The following GALNTL6 variants were observed in gnomAD, a reference collection of about 807,000 sequenced individuals.
GALNTL6 encodes the protein polypeptide N-acetylgalactosaminyltransferase-like 6.
GALNTL6 carries 46 observed loss-of-function variants against 73.7 expected under a neutral mutation model. The ratio of observed to expected loss-of-function variants is 0.62; its 90% CI spans 0.49 to 0.80. The LOEUF is 0.80. GALNTL6 is among the 30% of genes least tolerant of loss of function. GALNTL6 has a pLI of 0.00. For missense variants in GALNTL6, 604 were observed against 755.0 expected (o/e 0.80, Z 2.34); for synonymous variants, 259 against 263.7 (o/e 0.98, Z 0.17).
At chr4:172,206,805 G>GTTTGTTGTTTTTTTTTTTTT (rs1554003003) in intron 2 of GALNTL6, among the ~76,000 whole-genome samples, 3 of 26,130 alleles carry the variant, frequency 1.1e-4, no homozygotes, top group Admixed American at 6.7e-4. Flanking sequence ...TTGTTTTTCT[G>GTTTGTTGTTTTTTTTTTTTT]TTTTTTTTGT....
At chr4:172,376,089 C>G (rs1010303737) in intron 5 of GALNTL6, among the ~76,000 whole-genome samples, 2 of 152,118 alleles carry the variant, frequency 1.3e-5, no homozygotes, top group Non-Finnish European at 1.5e-5. Context: ...AGGTAGTCTC[C>G]CCTACAACAG....
rs530078457 is a variant in GALNTL6, at chr4:172,789,400, A to C, written c.554-19961A>C. ...ACAAATTCACAAACTTTCTTAAAAT[A>C]TTATGAGATTTTTTTGCAATTATTT... On this transcript the variant is annotated intron_variant, in intron 5 of 12. Coordinates refer to ENST00000506823, the MANE Select transcript of GALNTL6 (RefSeq NM_001034845.3). 2.6e-5 allele frequency among the ~76,000 whole-genome samples: 4 copies of C among 152,318 alleles called. No individual in the cohort carries two copies. In the East Asian group the frequency reaches 7.7e-4, roughly 29 times the overall value.
At chr4:172,684,194 T>G (rs554104001) in intron 5 of GALNTL6, among the ~76,000 whole-genome samples, 2 of 152,348 alleles carry the variant, frequency 1.3e-5, no homozygotes, top group African/African-American at 4.8e-5. Context: ...CAGATAACAG[T>G]TGCTCACCTT....
chr4:172,146,207 T>C (rs1733923992), intron 2 of GALNTL6, among the ~76,000 whole-genome samples: 1 of 152,182 alleles, frequency 6.6e-6, no homozygotes, highest in Admixed American at 6.5e-5. Flanking sequence ...AAATGGCATA[T>C]TTTAGAGGGC....
Position 172,670,570 on chromosome 4 carries a change from T to G in GALNTL6, c.554-138791T>G, listed in dbSNP as rs1435640289. On this transcript the variant is annotated intron_variant, in intron 5 of 12. Coordinates refer to ENST00000506823, the MANE Select transcript of GALNTL6 (RefSeq NM_001034845.3). ...ATTAGACATTTGTCAGATGCATAGT[T>G]TTGCAAAAATTTTCTGCCATTCCAT... is the stretch of plus-strand genomic sequence containing the variant. 2.0e-5 allele frequency among the ~76,000 whole-genome samples: 3 copies of G among 152,110 alleles called. No individual in the cohort carries two copies. In the East Asian group the frequency reaches 5.8e-4, roughly 29 times the overall value.
intron 8 of GALNTL6, among the ~76,000 whole-genome samples, chr4:172,895,465 C>A (rs1406527123): frequency 6.6e-6 from 1 of 150,990 alleles, no homozygotes; most frequent in Non-Finnish European, 1.5e-5. Flanking sequence ...TGTAAGGTTT[C>A]TGCTAAGAAG....
At chr4:172,853,524 C>T (rs1743951603) in intron 7 of GALNTL6, among the ~76,000 whole-genome samples, 1 of 152,114 alleles carries the variant, frequency 6.6e-6, no homozygotes, top group Non-Finnish European at 1.5e-5. Flanking sequence ...TTTGGGTGTC[C>T]CAGGCTTTCG....
intron 4 of GALNTL6, among the ~76,000 whole-genome samples, chr4:172,346,449 A>G (rs1247353001): frequency 6.6e-6 from 1 of 152,194 alleles, no homozygotes; most frequent in African/African-American, 2.4e-5. Context: ...TCTCCTAGTT[A>G]CCAAGTCGTG....
chr4:172,789,685 G>C (rs1296602769), intron 5 of GALNTL6, among the ~76,000 whole-genome samples: 1 of 152,094 alleles, frequency 6.6e-6, no homozygotes, highest in Non-Finnish European at 1.5e-5. Flanking sequence ...CAGTCCTCTT[G>C]GGTTTTTATG....
At chr4:172,313,292 T>C (rs1395737600) in intron 4 of GALNTL6, among the ~76,000 whole-genome samples, 2 of 151,728 alleles carry the variant, frequency 1.3e-5, no homozygotes, top group Non-Finnish European at 2.9e-5. Flanking sequence ...TGCCGGCTAA[T>C]TTTTTGTATT....
chr4:172,420,859 T>C lies in GALNTL6; in HGVS notation c.553+72170T>C, dbSNP rs924196581. ...AAAAAAAAGAATGAGTTCATGTCCTTTTCAGGGACATGGATGAAGCTGGAA... is the reference window on the plus strand; with the variant it reads ...AAAAAAAAGAATGAGTTCATGTCCTCTTCAGGGACATGGATGAAGCTGGAA... On this transcript the variant is annotated intron_variant, in intron 5 of 12. Transcript: ENST00000506823. Among the ~76,000 whole-genome samples, 11 of 152,086 alleles carry C rather than the reference T, an allele frequency of 7.2e-5. 1 individual carries two copies. The highest frequency in any genetic ancestry group is 2.7e-4 in the African/African-American group (11 of 41,420).
chr4:172,798,907 T>G (rs1435130841), intron 5 of GALNTL6, among the ~76,000 whole-genome samples: 1 of 152,234 alleles, frequency 6.6e-6, no homozygotes, highest in East Asian at 1.9e-4. Flanking sequence ...TTAAAGTAGT[T>G]TCTTCATATC....
At chr4:172,244,592 TC>T (rs1358794923) in intron 3 of GALNTL6, among the ~76,000 whole-genome samples, 6 of 152,174 alleles carry the variant, frequency 3.9e-5, no homozygotes, top group Non-Finnish European at 8.8e-5. Flanking sequence ...TAATTAAACT[TC>T]CTGGGCTTTA....
In GALNTL6 at chr4:171,814,657, G is replaced by C. The variant is rs774277527; in HGVS notation, c.77G>C (p.Gly26Ala). 3 of 1,614,124 alleles carry C rather than the reference G, an allele frequency of 1.9e-6. No individual in the cohort carries two copies. Among genetic ancestry groups the C allele is most frequent in the Admixed American group, 1.7e-5 (1 of 60,022 alleles). The stretch of plus-strand genomic sequence containing the variant: ...GCTTTAATTTTCCTGCCTAACGTTG[G>C]TCTCTGGTCTCTGTACAAGGATAAG... Reference protein sequence around the residue: ...TVALIFLPNVGLWSLYKDKHL... With the variant: ...TVALIFLPNVALWSLYKDKHL... The change falls in exon 2 of 13, where the codon GGT becomes GCT. Residue 26 changes from glycine to alanine, a missense_variant. Gly to Ala is a moderately conservative substitution (Grantham distance 60, BLOSUM62 0). Transcript: ENST00000506823.
intron 2 of GALNTL6, among the ~76,000 whole-genome samples, chr4:171,874,948 C>G (rs886984824): frequency 1.3e-5 from 2 of 152,028 alleles, no homozygotes; most frequent in East Asian, 1.9e-4. Context: ...TTAAAATCAC[C>G]CTGCAGAAAT....
chr4:173,029,866 T>C (rs1434687875), intron 12 of GALNTL6, among the ~76,000 whole-genome samples: 4 of 152,216 alleles, frequency 2.6e-5, no homozygotes, highest in African/African-American at 9.6e-5. Flanking sequence ...ATTTGTTTCA[T>C]CCACAGATTG....
chr4:172,495,502 T>G (rs1468999923), intron 5 of GALNTL6, among the ~76,000 whole-genome samples: 2 of 152,206 alleles, frequency 1.3e-5, no homozygotes, highest in African/African-American at 2.4e-5. Flanking sequence ...CCCTCTGCTG[T>G]GTCTTTTGGC....
intron 4 of GALNTL6, among the ~76,000 whole-genome samples, chr4:172,313,153 T>C (rs189686066): frequency 6.9e-4 from 86 of 125,204 alleles, no homozygotes; most frequent in African/African-American, 2.5e-3. Flanking sequence ...TTAGGTGGAG[T>C]CTCCCACTGT....
intron 2 of GALNTL6, among the ~76,000 whole-genome samples, chr4:171,905,781 A>G (rs1030176026): frequency 1.3e-5 from 2 of 151,872 alleles, no homozygotes; most frequent in African/African-American, 4.9e-5. Flanking sequence ...AACAGAAATT[A>G]TAACACACTA....
Sources: allele counts gnomAD v4.1 joint callset (sites outside exome capture counted in the v4.1 genomes callset), GRCh38; gene constraint gnomAD v4.1.1; transcripts MANE v1.5; gene names NCBI Gene and HGNC (gene_info 2026-07-23, HGNC 2026-07-21).